The following MAP2K6 variants were observed in gnomAD, a reference collection of about 807,000 sequenced individuals.
MAP2K6 encodes mitogen-activated protein kinase kinase 6, also known as dual specificity mitogen-activated protein kinase kinase 6.
A neutral mutation model predicts 53.7 loss-of-function variants in MAP2K6; 16 were observed. That is an observed-to-expected ratio of 0.30 (90% CI 0.20 to 0.45). The LOEUF (loss-of-function observed/expected upper bound fraction) is 0.45, where lower values mean the gene tolerates loss of function less well. Ranked by LOEUF, MAP2K6 falls within the 20% of genes least tolerant of loss-of-function variation. MAP2K6 has a pLI of 1.00. For missense variants in MAP2K6, 204 were observed against 411.9 expected, an observed-to-expected ratio of 0.50 and a Z score of 4.37; for synonymous variants, 132 against 143.1, an observed-to-expected ratio of 0.92 and a Z score of 0.55.
chr17:69,527,810 C>T (rs1344362319), intron 10 of MAP2K6, among the ~76,000 whole-genome samples: 1 of 152,140 alleles, frequency 6.6e-6, no homozygotes, highest in Non-Finnish European at 1.5e-5. Flanking sequence ...CTTCATTCCT[C>T]AGCCTCCATG....
At chr17:69,428,264 G>C (rs1280689059) in intron 1 of MAP2K6, among the ~76,000 whole-genome samples, 2 of 152,194 alleles carry the variant, frequency 1.3e-5, no homozygotes, top group African/African-American at 4.8e-5. Flanking sequence ...CAAGTTGGCG[G>C]CAGGGCTGGC....
At chr17:69,476,633 C>T (rs576231871) in intron 1 of MAP2K6, among the ~76,000 whole-genome samples, 2 of 152,170 alleles carry the variant, frequency 1.3e-5, no homozygotes, top group South Asian at 4.1e-4. Context: ...CTTGCAGAGA[C>T]CCTAAAGGCA....
chr17:69,506,827 C>T (rs1909514927), intron 2 of MAP2K6, among the ~76,000 whole-genome samples: 1 of 152,216 alleles, frequency 6.6e-6, no homozygotes, highest in African/African-American at 2.4e-5. Context: ...GAGTTGAGGG[C>T]TACTCTTCAG....
intron 1 of MAP2K6, among the ~76,000 whole-genome samples, chr17:69,466,287 C>CA (rs35116857): frequency 0.02 from 1,801 of 89,490 alleles, 22 homozygotes; most frequent in African/African-American, 0.04. Context: ...GAGACTGTCT[C>CA]AAAAAAAAAA....
intron 8 of MAP2K6, among the ~76,000 whole-genome samples, chr17:69,524,699 A>G (rs1910668651): frequency 6.6e-6 from 1 of 152,158 alleles, no homozygotes; most frequent in Non-Finnish European, 1.5e-5. Flanking sequence ...GTCCAAGAAA[A>G]GACAAACACA....
intron 2 of MAP2K6, among the ~76,000 whole-genome samples, chr17:69,513,749 T>A (rs1028753742): frequency 2.6e-5 from 4 of 152,158 alleles, no homozygotes; most frequent in Admixed American, 6.5e-5. Context: ...GAAGAACTCA[T>A]TTTTCGATAA....
At chr17:69,511,347 T>C (rs182358641) in intron 2 of MAP2K6, among the ~76,000 whole-genome samples, 29 of 152,324 alleles carry the variant, frequency 1.9e-4, no homozygotes, top group African/African-American at 6.7e-4. Context: ...TGTGTTTTTC[T>C]TGGCAATTTT....
At chr17:69,457,012 C>A (rs9894539) in intron 1 of MAP2K6, among the ~76,000 whole-genome samples, 1 of 152,172 alleles carries the variant, frequency 6.6e-6, no homozygotes, top group Admixed American at 6.5e-5. Flanking sequence ...TCACAACCCA[C>A]GTTTTTGCAT....
At chr17:69,512,061 G>C (rs1196522075) in intron 2 of MAP2K6, among the ~76,000 whole-genome samples, 1 of 152,052 alleles carries the variant, frequency 6.6e-6, no homozygotes, top group East Asian at 1.9e-4. Flanking sequence ...TGAGTGTCTA[G>C]TGTAGTGCCT....
chr17:69,503,210 T>TA (rs1246604696), intron 1 of MAP2K6, among the ~76,000 whole-genome samples: 1 of 152,226 alleles, frequency 6.6e-6, no homozygotes, highest in African/African-American at 2.4e-5. Context: ...TCTGTATAGT[T>TA]ATCTAAACAA....
In MAP2K6 at chr17:69,432,800, A is replaced by C. The variant is rs567838345; in HGVS notation, c.16+17800A>C. 1.3e-3 allele frequency among the ~76,000 whole-genome samples: 168 copies of C among 126,206 alleles called. 1 individual carries two copies. The South Asian group carries it at 0.035, about 26-fold the overall frequency. 82.8% of individuals were successfully genotyped at this position (126,206 alleles called of 152,430 possible). On this transcript the variant is annotated intron_variant, in intron 1 of 11. Transcript: ENST00000590474. Reference sequence around the variant, plus strand: ...TGCACGTTCTGCACATGTATCCTGGAACCTAAAATTAAAAAAAAAAAAAAA... The same window carrying C: ...TGCACGTTCTGCACATGTATCCTGGCACCTAAAATTAAAAAAAAAAAAAAA...
chr17:69,499,638 G>GTCAACAAATATTT (rs1277275967), intron 1 of MAP2K6, among the ~76,000 whole-genome samples: 2 of 152,184 alleles, frequency 1.3e-5, no homozygotes, highest in Admixed American at 6.5e-5. Flanking sequence ...CAAACATTCA[G>GTCAACAAATATTT]TCAACAAATA....
chr17:69,443,515 G>C (rs972857648), intron 1 of MAP2K6, among the ~76,000 whole-genome samples: 3 of 152,168 alleles, frequency 2.0e-5, no homozygotes, highest in African/African-American at 4.8e-5. Flanking sequence ...AAAAATCTGA[G>C]CGGTTATTCT....
intron 1 of MAP2K6, among the ~76,000 whole-genome samples, chr17:69,426,070 C>T (rs1906267264): frequency 6.6e-6 from 1 of 152,060 alleles, no homozygotes; most frequent in Non-Finnish European, 1.5e-5. Context: ...TGTTTGTTTG[C>T]TTTTTTCATT....
chr17:69,490,741 A>C (rs1002733062), intron 1 of MAP2K6, among the ~76,000 whole-genome samples: 45 of 152,092 alleles, frequency 3.0e-4, no homozygotes, highest in African/African-American at 1.1e-3. Flanking sequence ...TTTTACGTTC[A>C]GGGGTACATG....
At position 69,494,705 on chromosome 17, in the gene MAP2K6, G is replaced by C. The variant is rs774520944; in HGVS notation, c.17-11075G>C. On this transcript the variant is annotated intron_variant, in intron 1 of 11. Coordinates refer to ENST00000590474, the MANE Select transcript of MAP2K6 (RefSeq NM_002758.4). The surrounding 1 kb of genome is among the most constrained non-coding windows in gnomAD (Gnocchi z 4.2). ...CCTTTGGTTAAAAGGGAGGTGATCAGAGTGCTATTAAAATTGTGGGCCGGG... is the reference window on the plus strand; with the variant it reads ...CCTTTGGTTAAAAGGGAGGTGATCACAGTGCTATTAAAATTGTGGGCCGGG... Among the ~76,000 whole-genome samples the C allele has an allele frequency of 4.0e-5, 6 of 151,620 alleles. No individual in the cohort carries two copies. The highest frequency in any genetic ancestry group is 2.0e-4 in the Admixed American group (3 of 15,230).
chr17:69,446,976 C>CTTTTTTTTTTTTTTTTT lies in MAP2K6; in HGVS notation c.16+31978_16+31994dup, dbSNP rs71357721. On this transcript the variant is annotated intron_variant, in intron 1 of 11. Coordinates refer to ENST00000590474, the MANE Select transcript of MAP2K6 (RefSeq NM_002758.4). ...TTGTATTTTATTATAACCTCTGTTT[C>CTTTTTTTTTTTTTTTTT]TTTTTTTTTTTTTTTTTTGAGACGG... Among the ~76,000 whole-genome samples, 2 of 129,522 alleles carry CTTTTTTTTTTTTTTTTT rather than the reference C, an allele frequency of 1.5e-5. 1 individual carries two copies. Among genetic ancestry groups the CTTTTTTTTTTTTTTTTT allele is most frequent in the Non-Finnish European group, 3.3e-5 (2 of 61,084 alleles). 85.0% of individuals were successfully genotyped at this position (129,522 alleles called of 152,430 possible).
At chr17:69,516,962 G>T in intron 3 of MAP2K6, 59 bp downstream of exon 3, 3 of 1,332,226 alleles carry the variant, frequency 2.3e-6, no homozygotes, top group South Asian at 2.5e-5. Context: ...TATGCTTTCT[G>T]ACTGAAAAAT....
At chr17:69,469,588 C>G (rs535978422) in intron 1 of MAP2K6, among the ~76,000 whole-genome samples, 72 of 152,128 alleles carry the variant, frequency 4.7e-4, no homozygotes, top group Admixed American at 2.4e-3. Context: ...ACAGTGAAAC[C>G]TGGTTTCTAC....
Sources: gnomAD v4.1 joint callset for allele counts (sites outside exome capture counted in the v4.1 genomes callset) on GRCh38, gnomAD v4.1.1 for gene constraint, Gnocchi (gnomAD v3.1) non-coding constraint, MANE v1.5 for transcripts, NCBI Gene and HGNC (gene_info 2026-07-23, HGNC 2026-07-21) for gene names.